Variants in PLCB4 observed in about 807,000 individuals in gnomAD.
The protein encoded by PLCB4 is 1-phosphatidylinositol 4,5-bisphosphate phosphodiesterase beta-4.
Under a neutral mutation model 178.8 loss-of-function variants are expected in PLCB4, and 77 were observed. That is an observed-to-expected ratio of 0.43 (90% CI 0.36 to 0.52). The LOEUF is 0.52. Ranked by LOEUF, PLCB4 falls within the 20% of genes least tolerant of loss-of-function variation. The pLI is 0.00. For synonymous variants in PLCB4, 496 were observed against 490.8 expected (o/e 1.01, Z -0.14); for missense variants, 1,024 against 1,453.4 (o/e 0.70, Z 4.80).
intron 2 of PLCB4, among the ~76,000 whole-genome samples, chr20:9,160,920 A>G (rs550007071): frequency 6.6e-6 from 1 of 152,152 alleles, no homozygotes; most frequent in Non-Finnish European, 1.5e-5. Context: ...GTCTTCAGAT[A>G]GTTTGCTAGA....
Position 9,213,128 on chromosome 20 carries a change from C to CTTTTTT in PLCB4, c.-78-4237_-78-4232dup, listed in dbSNP as rs56785951. The stretch of plus-strand genomic sequence containing the variant: ...TGCTTGGCTTCTCTCCGTTAGCATA[C>CTTTTTT]TTTTTTTTTTTTTTTTTTTTTTTTT... On this transcript the variant is annotated intron_variant, in intron 2 of 39. Coordinates refer to ENST00000378473, the MANE Select transcript of PLCB4 (RefSeq NM_001377142.1). Among the ~76,000 whole-genome samples the CTTTTTT allele has an allele frequency of 3.1e-4, 11 of 35,728 alleles. 1 individual carries two copies. Among genetic ancestry groups the CTTTTTT allele is most frequent in the African/African-American group, 1.2e-3 (10 of 8,122 alleles). 23.4% of individuals were successfully genotyped at this position (35,728 alleles called of 152,430 possible). A position where few individuals can be genotyped will look rare whatever the true frequency, so the allele number is the denominator to read the frequency against.
chr20:9,452,980 A>C (rs2042857364), intron 32 of PLCB4, among the ~76,000 whole-genome samples: 1 of 152,232 alleles, frequency 6.6e-6, no homozygotes, highest in African/African-American at 2.4e-5. Context: ...AATGTGTGGA[A>C]GGGGCAGTAG....
chr20:9,178,773 G>T (rs968632183), intron 2 of PLCB4, among the ~76,000 whole-genome samples: 15 of 151,708 alleles, frequency 9.9e-5, no homozygotes, highest in Non-Finnish European at 1.9e-4. Context: ...TGTATATAGG[G>T]ATATATGATA....
chr20:9,080,161 A>G lies in PLCB4; in HGVS notation c.-135+10955A>G, dbSNP rs547519859. 1.7e-4 allele frequency among the ~76,000 whole-genome samples: 26 copies of G among 152,310 alleles called. No individual in the cohort carries two copies. In the East Asian group the frequency reaches 2.3e-3, roughly 14 times the overall value. On this transcript the variant is annotated intron_variant, in intron 1 of 39. Coordinates refer to ENST00000378473, the MANE Select transcript of PLCB4 (RefSeq NM_001377142.1). ...TTAGCATCACTGAGTATAAATGAACAAGCTGTATTTCCCCATTTGTTCAGC... is the reference window on the plus strand; with the variant it reads ...TTAGCATCACTGAGTATAAATGAACGAGCTGTATTTCCCCATTTGTTCAGC...
intron 3 of PLCB4, among the ~76,000 whole-genome samples, chr20:9,249,322 T>A (rs1275016547): frequency 1.3e-5 from 2 of 152,140 alleles, no homozygotes; most frequent in African/African-American, 4.8e-5. Flanking sequence ...CTGCACCCAT[T>A]TTTGAGACAA....
chr20:9,092,655 A>G (rs2090734822), intron 1 of PLCB4, among the ~76,000 whole-genome samples: 1 of 152,164 alleles, frequency 6.6e-6, no homozygotes, highest in Non-Finnish European at 1.5e-5. Flanking sequence ...ACGCTTGGGA[A>G]TCTAAGCATT....
chr20:9,199,119 G>A (rs532202304), intron 2 of PLCB4, among the ~76,000 whole-genome samples: 22 of 152,162 alleles, frequency 1.4e-4, no homozygotes, highest in African/African-American at 5.1e-4. Context: ...GTTAATAAAT[G>A]TTGAAGTACT....
At chr20:9,272,845 G>A (rs2094416783) in intron 3 of PLCB4, among the ~76,000 whole-genome samples, 1 of 150,742 alleles carries the variant, frequency 6.6e-6, no homozygotes, top group Non-Finnish European at 1.5e-5. Flanking sequence ...ACTGTTACTA[G>A]TGAACTTGAC....
intron 35 of PLCB4, among the ~76,000 whole-genome samples, chr20:9,461,920 C>A (rs953340522): frequency 6.6e-6 from 1 of 152,280 alleles, no homozygotes; most frequent in East Asian, 1.9e-4. Context: ...CCCAGCATGG[C>A]GTTTGAGCTC....
chr20:9,271,611 T>G (rs1168018293), intron 3 of PLCB4, among the ~76,000 whole-genome samples: 1 of 152,132 alleles, frequency 6.6e-6, no homozygotes. Flanking sequence ...CCAGATTACT[T>G]ATCCCTGTAA....
intron 26 of PLCB4, among the ~76,000 whole-genome samples, chr20:9,420,444 T>A (rs1413389682): frequency 6.6e-6 from 1 of 152,054 alleles, no homozygotes; most frequent in Non-Finnish European, 1.5e-5. Flanking sequence ...TTCAAGTGAT[T>A]CTCCTGCACC....
intron 7 of PLCB4, among the ~76,000 whole-genome samples, chr20:9,341,006 G>A (rs2033125797): frequency 6.6e-6 from 1 of 152,110 alleles, no homozygotes; most frequent in African/African-American, 2.4e-5. Context: ...AAGCTAGAGA[G>A]GTAAAGGAAC....
chr20:9,378,190 T>C (rs1017402158), intron 12 of PLCB4, among the ~76,000 whole-genome samples: 4 of 152,216 alleles, frequency 2.6e-5, no homozygotes, highest in Non-Finnish European at 5.9e-5. Context: ...TTCTCTCATT[T>C]TTTAATTCAT....
intron 1 of PLCB4, among the ~76,000 whole-genome samples, chr20:9,091,280 G>A (rs1255591358): frequency 6.6e-6 from 1 of 152,022 alleles, no homozygotes; most frequent in Non-Finnish European, 1.5e-5. Context: ...TGTAAAATGA[G>A]CTAGAGAAAG....
intron 2 of PLCB4, among the ~76,000 whole-genome samples, chr20:9,098,389 G>A (rs146606897): frequency 2.6e-5 from 4 of 151,976 alleles, no homozygotes; most frequent in Non-Finnish European, 2.9e-5. Context: ...GAAAAAATTC[G>A]ACTTTCAACT....
chr20:9,325,542 A>G (rs1333567273), intron 4 of PLCB4, among the ~76,000 whole-genome samples: 1 of 152,136 alleles, frequency 6.6e-6, no homozygotes, highest in Non-Finnish European at 1.5e-5. Flanking sequence ...TTGCCTCACA[A>G]TCCTCACAGC....
At chr20:9,415,778 A>G (rs1213859675) in intron 25 of PLCB4, among the ~76,000 whole-genome samples, 1 of 152,230 alleles carries the variant, frequency 6.6e-6, no homozygotes, top group East Asian at 1.9e-4. Flanking sequence ...GATGCAGAGC[A>G]TTAAACCAAG....
At position 9,479,571 on chromosome 20, in the gene PLCB4, TG is replaced by T. The variant is rs148015873; in HGVS notation, c.*563del. ...AATTTCCTGTAAAAGTTGTGGAAAT[TG>T]TTAGAACAATAGAAAAATAGAGCAG... On this transcript the variant is annotated 3_prime_UTR_variant, in exon 40 of 40. Coordinates refer to ENST00000378473, the MANE Select transcript of PLCB4 (RefSeq NM_001377142.1). 1,407 of 154,584 alleles carry T rather than the reference TG, an allele frequency of 9.1e-3. 25 individuals carry two copies. Among genetic ancestry groups the T allele is most frequent in the African/African-American group, 0.032 (1,344 of 41,568 alleles). The allele number at this position is 154,584 out of a possible 1,614,324, so 9.6% of individuals were successfully genotyped here. A position where few individuals can be genotyped will look rare whatever the true frequency, so the allele number is the denominator to read the frequency against.
intron 2 of PLCB4, among the ~76,000 whole-genome samples, chr20:9,134,424 T>G (rs1433846384): frequency 6.6e-6 from 1 of 152,156 alleles, no homozygotes; most frequent in Non-Finnish European, 1.5e-5. Flanking sequence ...ATATGTAACT[T>G]TTTGGTAAAT....
Sources: gnomAD v4.1 joint callset for allele counts (sites outside exome capture counted in the v4.1 genomes callset) on GRCh38, gnomAD v4.1.1 for gene constraint, MANE v1.5 for transcripts, NCBI Gene and HGNC (gene_info 2026-07-23, HGNC 2026-07-21) for gene names.